Variants in NBAS observed in about 807,000 individuals in gnomAD.
The protein encoded by NBAS is NBAS subunit of NRZ tethering complex.
NBAS carries 219 observed loss-of-function variants against 302.5 expected under a neutral mutation model. That is an observed-to-expected ratio of 0.72 (90% CI 0.65 to 0.81). The LOEUF (loss-of-function observed/expected upper bound fraction) is 0.81, where lower values mean the gene tolerates loss of function less well. NBAS is among the 30% of genes least tolerant of loss of function. The pLI is 0.00. For synonymous variants in NBAS, 1,118 were observed against 1,021.6 expected (o/e 1.09, Z -1.80); for missense variants, 2,932 against 2,841.6 (o/e 1.03, Z -0.72).
At chr2:14,993,550 G>A in the NBAS span, among the ~76,000 whole-genome samples, 1 of 151,958 alleles carries the variant, frequency 6.6e-6, no homozygotes, top group Non-Finnish European at 1.5e-5. Flanking sequence ...CAATTTTATC[G>A]ATACTCTAAT....
chr2:15,201,365 C>T lies in NBAS; in HGVS notation c.6433-10962G>A, dbSNP rs576254881. 7.2e-5 allele frequency among the ~76,000 whole-genome samples: 11 copies of T among 152,310 alleles called. No individual in the cohort carries two copies. In the South Asian group the frequency reaches 1.9e-3, roughly 26 times the overall value. On this transcript the variant is annotated intron_variant, in intron 48 of 51. Coordinates refer to ENST00000281513, the MANE Select transcript of NBAS (RefSeq NM_015909.4). ...AACCTCTAGCAATACCAGACCTCTGCCTGTTAAAGCCACTTCTTTGATAAG... is the reference window on the plus strand; with the variant it reads ...AACCTCTAGCAATACCAGACCTCTGTCTGTTAAAGCCACTTCTTTGATAAG...
the NBAS span, among the ~76,000 whole-genome samples, chr2:15,084,251 A>G: frequency 3.3e-5 from 5 of 151,892 alleles, no homozygotes; most frequent in African/African-American, 1.2e-4. Flanking sequence ...TTCTAGAGAC[A>G]GGGTTTTTGC....
At chr2:15,091,485 G>C in the NBAS span, among the ~76,000 whole-genome samples, 3 of 151,614 alleles carry the variant, frequency 2.0e-5, no homozygotes, top group African/African-American at 7.3e-5. Context: ...GGTTTTTTTG[G>C]CTTGCTTTGC....
intron 25 of NBAS, among the ~76,000 whole-genome samples, chr2:15,414,224 A>G (rs1182664144): frequency 1.3e-5 from 2 of 152,224 alleles, no homozygotes; most frequent in African/African-American, 4.8e-5. Context: ...CAAAACATAG[A>G]TTAGCTAAGC....
intron 44 of NBAS, among the ~76,000 whole-genome samples, chr2:15,239,327 TTATG>T (rs913825639): frequency 1.3e-5 from 2 of 151,634 alleles, no homozygotes; most frequent in African/African-American, 4.8e-5. Flanking sequence ...ATTTTCTATT[TTATG>T]TGTGTGTGTA....
At chr2:15,151,857 A>T in the NBAS span, among the ~76,000 whole-genome samples, 4,454 of 151,364 alleles carry the variant, frequency 0.029, 196 homozygotes, top group African/African-American at 0.092. Flanking sequence ...TTTATTTTTT[A>T]TTTTTTTTGA....
chr2:15,474,058 C>T lies in NBAS; in HGVS notation c.1599+9G>A, dbSNP rs1320288473. 1 of 1,613,976 alleles carries T rather than the reference C, an allele frequency of 6.2e-7. No homozygotes were observed. The highest frequency in any genetic ancestry group is 8.5e-7 in the Non-Finnish European group (1 of 1,179,996). On this transcript the variant is annotated intron_variant, in intron 15 of 51. Transcript: ENST00000281513. ...TTCAAACTTGGGTAGTAATATGCTA[C>T]TCTCTCACCTTCCTCTGATAAAGTT...
chr2:15,177,417 G>A (rs1273280527), intron 51 of NBAS, among the ~76,000 whole-genome samples: 2 of 152,144 alleles, frequency 1.3e-5, no homozygotes, highest in East Asian at 1.9e-4. Context: ...GTTAGGGACC[G>A]CCTGTGCTAG....
chr2:15,212,538 AC>A (rs1666460063), intron 48 of NBAS, among the ~76,000 whole-genome samples: 1 of 151,668 alleles, frequency 6.6e-6, no homozygotes, highest in Admixed American at 6.6e-5. Context: ...CCCTCCTTTG[AC>A]CCCTGTGTAC....
chr2:15,242,324 C>T (rs1259342039), intron 44 of NBAS, among the ~76,000 whole-genome samples: 1 of 152,176 alleles, frequency 6.6e-6, no homozygotes, highest in East Asian at 1.9e-4. Flanking sequence ...TGTAACCTGA[C>T]ACTGAACAAG....
the NBAS span, among the ~76,000 whole-genome samples, chr2:14,849,339 GATGAA>G: frequency 6.6e-6 from 1 of 151,860 alleles, no homozygotes; most frequent in Non-Finnish European, 1.5e-5. Context: ...AGCAATGGAA[GATGAA>G]ATGAATGAAA....
intron 9 of NBAS, among the ~76,000 whole-genome samples, chr2:15,522,499 G>C (rs112230454): frequency 1.3e-5 from 2 of 152,124 alleles, no homozygotes; most frequent in African/African-American, 4.8e-5. Context: ...TTCAGTAAGC[G>C]AGTGAATAAA....
chr2:14,995,574 C>T, the NBAS span, among the ~76,000 whole-genome samples: 5 of 152,206 alleles, frequency 3.3e-5, no homozygotes, highest in South Asian at 2.1e-4. Flanking sequence ...CGTCCTACTC[C>T]ACCCCACCTC....
chr2:14,934,897 T>G, the NBAS span, among the ~76,000 whole-genome samples: 3 of 152,220 alleles, frequency 2.0e-5, no homozygotes, highest in African/African-American at 7.2e-5. Context: ...AGAAACAATC[T>G]ATATGATGGT....
the NBAS span, among the ~76,000 whole-genome samples, chr2:15,018,369 A>T: frequency 6.6e-6 from 1 of 152,014 alleles, no homozygotes; most frequent in African/African-American, 2.4e-5. Context: ...ACTGTACCTT[A>T]TATGTGTTGA....
At chr2:15,508,579 C>T (rs887529294) in intron 10 of NBAS, among the ~76,000 whole-genome samples, 7 of 152,152 alleles carry the variant, frequency 4.6e-5, no homozygotes, top group Admixed American at 1.3e-4. Context: ...CAATGAAACA[C>T]GAGTATACCT....
At chr2:15,032,733 C>T in the NBAS span, among the ~76,000 whole-genome samples, 8 of 152,222 alleles carry the variant, frequency 5.3e-5, 1 homozygote, top group Admixed American at 2.0e-4. Flanking sequence ...GTGTGAACCA[C>T]GGACTTAACC....
At chr2:15,520,426 A>C (rs1662609139) in intron 9 of NBAS, among the ~76,000 whole-genome samples, 1 of 152,100 alleles carries the variant, frequency 6.6e-6, no homozygotes, top group Admixed American at 6.6e-5. Flanking sequence ...ACTACGAAAA[A>C]ATCTACGAAG....
the NBAS span, among the ~76,000 whole-genome samples, chr2:15,004,745 G>A: frequency 7.1e-6 from 1 of 140,978 alleles, no homozygotes; most frequent in African/African-American, 2.7e-5. Context: ...CTGAACTCAA[G>A]CGATCCACCC....
Sources: allele counts gnomAD v4.1 joint callset (sites outside exome capture counted in the v4.1 genomes callset), GRCh38; gene constraint gnomAD v4.1.1; transcripts MANE v1.5; gene names NCBI Gene and HGNC (gene_info 2026-07-23, HGNC 2026-07-21).